PREP: variants seen among roughly 807,000 people sequenced by gnomAD.
The protein encoded by PREP is prolyl endopeptidase.
In PREP, 29 loss-of-function variants were observed where a neutral mutation model predicts 87.6. The observed-to-expected ratio is 0.33, with a 90% CI of 0.25 to 0.45. The LOEUF is 0.45. PREP is among the 20% of genes least tolerant of loss of function. PREP has a pLI of 1.00. For missense variants in PREP, 695 were observed against 886.5 expected, an observed-to-expected ratio of 0.78 and a Z score of 2.74; for synonymous variants, 337 against 328.6, an observed-to-expected ratio of 1.03 and a Z score of -0.28.
At chr6:105,376,628 G>C (rs746018995) in intron 3 of PREP, among the ~76,000 whole-genome samples, 2 of 152,206 alleles carry the variant, frequency 1.3e-5, no homozygotes, top group Non-Finnish European at 2.9e-5. Flanking sequence ...TCCCTAGCAA[G>C]GCTGCTAGGG....
At chr6:105,324,819 A>G (rs1027086348) in intron 9 of PREP, among the ~76,000 whole-genome samples, 1 of 152,244 alleles carries the variant, frequency 6.6e-6, no homozygotes, top group Non-Finnish European at 1.5e-5. Flanking sequence ...AAGGAGTAAT[A>G]CATTTAGATC....
chr6:105,377,439 C>T lies in PREP; in HGVS notation c.201G>A (p.Met67Ile), dbSNP rs1374362149. The T allele has an allele frequency of 6.2e-7, 1 of 1,613,696 alleles. No individual in the cohort carries two copies. The highest frequency in any genetic ancestry group is 1.3e-5 in the African/African-American group (1 of 75,040). The change falls in exon 3 of 15, where the codon ATG (methionine) becomes ATA (isoleucine). Residue 67 changes from methionine (M) to isoleucine (I), a missense_variant. This residue lies in a region of PREP where 517 missense variants were observed against 620.3 expected (regional missense o/e 0.83). Coordinates refer to ENST00000652536, the MANE Select transcript of PREP (RefSeq NM_002726.5). ...ACTTGGGATAATCATATAGTTCAGT[C>T]ATTCTCTCTTTGTATAAACCTCTGA... ...CPIRGLYKER[M>I]TELYDYPKYS... is the part of the protein sequence containing the mutation.
At chr6:105,393,406 G>A (rs529565168) in intron 2 of PREP, among the ~76,000 whole-genome samples, 1 of 152,246 alleles carries the variant, frequency 6.6e-6, no homozygotes, top group African/African-American at 2.4e-5. Flanking sequence ...GCAGGGGGTA[G>A]AGGGAGAGTT....
At chr6:105,337,098 G>C (rs544673968) in intron 7 of PREP, among the ~76,000 whole-genome samples, 2 of 152,122 alleles carry the variant, frequency 1.3e-5, no homozygotes, top group South Asian at 4.2e-4. Context: ...ATCACACTGT[G>C]TAAGTATATT....
intron 2 of PREP, among the ~76,000 whole-genome samples, chr6:105,396,695 T>C (rs1405811377): frequency 6.6e-6 from 1 of 152,132 alleles, no homozygotes; most frequent in Non-Finnish European, 1.5e-5. Flanking sequence ...TTAACCTTTT[T>C]TTTTTTTAAA....
rs764659388 is a variant in PREP at position 105,353,056 on chromosome 6, C to G, written c.739G>C (p.Val247Leu). 1.2e-6 allele frequency: 2 copies of G among 1,613,510 alleles called. No homozygotes were observed. Among genetic ancestry groups the G allele is most frequent in the Admixed American group, 3.3e-5 (2 of 59,996 alleles). ...CATCCTTCCCTTATTGATAACAAGA[C>G]ATAGCGGCCATCATCAGATAACTAA... Reference protein sequence around the residue: ...GAELSDDGRYVLLSIREGCDP... With the variant: ...GAELSDDGRYLLLSIREGCDP... The change falls in exon 7 of 15, where the codon GTC becomes CTC. Residue 247 changes from valine (V) to leucine (L), a missense_variant. By Grantham distance (32) the Val-to-Leu change is conservative (BLOSUM62 1). Coordinates refer to ENST00000652536, the MANE Select transcript of PREP (RefSeq NM_002726.5).
At chr6:105,349,131 C>T (rs1017401817) in intron 7 of PREP, among the ~76,000 whole-genome samples, 1 of 152,108 alleles carries the variant, frequency 6.6e-6, no homozygotes, top group African/African-American at 2.4e-5. Context: ...TGGAAATTAC[C>T]TGTTCAGAAA....
At chr6:105,400,990 T>C (rs113598309) in intron 1 of PREP, among the ~76,000 whole-genome samples, 441 of 152,232 alleles carry the variant, frequency 2.9e-3, no homozygotes, top group African/African-American at 0.01. Flanking sequence ...TACTCCACCG[T>C]AAGCTATCAA....
chr6:105,342,459 T>A (rs1171451873), intron 7 of PREP, among the ~76,000 whole-genome samples: 1 of 152,214 alleles, frequency 6.6e-6, no homozygotes, highest in Non-Finnish European at 1.5e-5. Context: ...AGCATTCCCT[T>A]TGAAAACTGG....
chr6:105,306,448 A>G (rs1049211638), intron 10 of PREP, among the ~76,000 whole-genome samples: 10 of 152,150 alleles, frequency 6.6e-5, no homozygotes, highest in African/African-American at 2.4e-4. Context: ...ATTCATGAGA[A>G]GCAGAGTTAG....
intron 6 of PREP, among the ~76,000 whole-genome samples, chr6:105,363,279 AT>A (rs1467905022): frequency 6.6e-6 from 1 of 152,164 alleles, no homozygotes; most frequent in Non-Finnish European, 1.5e-5. Context: ...CATTTTCACA[AT>A]CTTCATTCTA....
intron 4 of PREP, among the ~76,000 whole-genome samples, chr6:105,373,846 A>T (rs541838908): frequency 6.6e-6 from 1 of 152,228 alleles, no homozygotes; most frequent in Non-Finnish European, 1.5e-5. Context: ...AAATGCTTTC[A>T]TTTTGAAATT....
intron 7 of PREP, among the ~76,000 whole-genome samples, chr6:105,349,898 T>TAAAAAAAAAAA (rs1162063177): frequency 3.7e-4 from 22 of 59,424 alleles, no homozygotes; most frequent in East Asian, 1.8e-3. Context: ...GGGAAGCAGG[T>TAAAAAAAAAAA]AAAAAAAAAA....
At chr6:105,288,692 C>G in intron 11 of PREP, 66 bp downstream of exon 11, 1 of 1,580,664 alleles carries the variant, frequency 6.3e-7, no homozygotes, top group Non-Finnish European at 8.6e-7. Flanking sequence ...TAGTAGAGCA[C>G]TCTGGTTTGT....
rs1343791679 is a variant in PREP at position 105,275,946 on chromosome 6, G to C, written c.*2198C>G. Among the ~76,000 whole-genome samples the C allele has an allele frequency of 6.6e-6, 1 of 152,198 alleles. No individual in the cohort carries two copies. Among genetic ancestry groups the C allele is most frequent in the Non-Finnish European group, 1.5e-5 (1 of 68,038 alleles). On this transcript the variant is annotated 3_prime_UTR_variant, in exon 15 of 15. Transcript: ENST00000652536. ...AATATACAGTTTGAAAGAAGACCTAGTGTTAGATCAGTAGGGTGTCTATAG... is the reference window on the plus strand; with the variant it reads ...AATATACAGTTTGAAAGAAGACCTACTGTTAGATCAGTAGGGTGTCTATAG...
chr6:105,360,003 T>C (rs1178076546), intron 6 of PREP, among the ~76,000 whole-genome samples: 1 of 152,160 alleles, frequency 6.6e-6, no homozygotes, highest in Non-Finnish European at 1.5e-5. Flanking sequence ...TGTGACAGCA[T>C]GTAAGGCATC....
chr6:105,402,726 A>T, intron 1 of PREP, 121 bp downstream of exon 1: 1 of 903,766 alleles, frequency 1.1e-6, no homozygotes, highest in Non-Finnish European at 1.6e-6. Flanking sequence ...ACAAAGGCCG[A>T]GGGGGAGGGG....
chr6:105,295,591 C>T (rs985713119), intron 10 of PREP, among the ~76,000 whole-genome samples: 17 of 151,474 alleles, frequency 1.1e-4, no homozygotes, highest in African/African-American at 2.9e-4. Flanking sequence ...CATCAATGAA[C>T]GTTTCTGTCT....
chr6:105,398,731 C>G (rs1321481487), intron 1 of PREP, among the ~76,000 whole-genome samples: 1 of 152,106 alleles, frequency 6.6e-6, no homozygotes, highest in Admixed American at 6.5e-5. Context: ...ACAGTTTTCA[C>G]CACTCCTCAA....
Sources: allele counts gnomAD v4.1 joint callset (sites outside exome capture counted in the v4.1 genomes callset), GRCh38; gene constraint gnomAD v4.1.1; regional missense constraint gnomAD v4.1.1; transcripts MANE v1.5; gene names NCBI Gene and HGNC (gene_info 2026-07-23, HGNC 2026-07-21).